Variants in NRCAM observed in about 807,000 individuals in gnomAD.
The protein encoded by NRCAM is NgCAM-related cell adhesion molecule.
A neutral mutation model predicts 156.5 loss-of-function variants in NRCAM; 83 were observed. That is an observed-to-expected ratio of 0.53 (90% CI 0.44 to 0.64). The LOEUF is 0.64. Ranked by LOEUF, NRCAM falls within the 30% of genes least tolerant of loss-of-function variation. The pLI is 0.00. For synonymous variants in NRCAM, 538 were observed against 563.9 expected, an observed-to-expected ratio of 0.95 and a Z score of 0.65; for missense variants, 1,417 against 1,597.3, an observed-to-expected ratio of 0.89 and a Z score of 1.92.
intron 14 of NRCAM, 75 bp downstream of exon 14, chr7:108,197,881 T>G: frequency 1.7e-6 from 2 of 1,155,320 alleles, no homozygotes; most frequent in Non-Finnish European, 2.4e-6. Flanking sequence ...GCTCAATATA[T>G]TTTTGCTGAT....
intron 2 of NRCAM, among the ~76,000 whole-genome samples, chr7:108,397,458 G>C (rs1252434581): frequency 6.6e-6 from 1 of 152,192 alleles, no homozygotes; most frequent in Non-Finnish European, 1.5e-5. Flanking sequence ...CTGTGAGAAT[G>C]AATTTCAGCA....
intron 3 of NRCAM, among the ~76,000 whole-genome samples, chr7:108,280,636 T>C (rs2097819875): frequency 6.6e-6 from 1 of 152,258 alleles, no homozygotes; most frequent in Middle Eastern, 3.2e-3. Flanking sequence ...TCTTTGGTGC[T>C]ACTGAAAATA....
chr7:108,355,942 GA>G (rs911470905), intron 2 of NRCAM, among the ~76,000 whole-genome samples: 5 of 122,290 alleles, frequency 4.1e-5, no homozygotes, highest in African/African-American at 1.3e-4. Flanking sequence ...AGTACAGTAA[GA>G]TTTTTTTTTT....
intron 3 of NRCAM, among the ~76,000 whole-genome samples, chr7:108,307,984 G>T (rs747195269): frequency 2.4e-4 from 36 of 152,200 alleles, no homozygotes; most frequent in Non-Finnish European, 4.6e-4. Flanking sequence ...CAGTATTCCT[G>T]CTGTGTCTCA....
chr7:108,190,000 A>C (rs1448801869), intron 19 of NRCAM, among the ~76,000 whole-genome samples: 1 of 152,252 alleles, frequency 6.6e-6, no homozygotes, highest in African/African-American at 2.4e-5. Flanking sequence ...AACCCAGTGA[A>C]GCAGACACAT....
At chr7:108,210,146 T>C (rs1019156731) in intron 11 of NRCAM, among the ~76,000 whole-genome samples, 1 of 152,056 alleles carries the variant, frequency 6.6e-6, no homozygotes, top group Non-Finnish European at 1.5e-5. Flanking sequence ...AAGAGCTTTT[T>C]TTCCTTAGTT....
At chr7:108,329,084 A>AT (rs974380942) in intron 2 of NRCAM, among the ~76,000 whole-genome samples, 7 of 151,918 alleles carry the variant, frequency 4.6e-5, no homozygotes, top group Non-Finnish European at 8.8e-5. Flanking sequence ...TATTATAACT[A>AT]TTTTTCTTAC....
intron 19 of NRCAM, among the ~76,000 whole-genome samples, chr7:108,190,603 A>G (rs527345723): frequency 5.9e-5 from 9 of 152,310 alleles, no homozygotes; most frequent in African/African-American, 2.2e-4. Flanking sequence ...TGATTTTTGT[A>G]TTGACGTACT....
At chr7:108,309,915 G>A (rs2098777735) in intron 3 of NRCAM, among the ~76,000 whole-genome samples, 1 of 152,052 alleles carries the variant, frequency 6.6e-6, no homozygotes, top group Non-Finnish European at 1.5e-5. Context: ...TTAGGATTTT[G>A]TAATAAAATA....
In NRCAM at chr7:108,226,291, C is replaced by T. The variant is rs764475322; in HGVS notation, c.638G>A (p.Arg213His). ...YFSNVLPEDT[R>H]EDYICYARFN... ...TCTAGCATAACAGATATAGTCTTCG[C>T]GGGTGTCCTCTGGGAGGACATTGGA... Residue 213 changes from arginine (R) to histidine (H), a missense_variant, in exon 9 of 33, where the codon CGC (arginine) becomes CAC (histidine). Arg to His is a conservative substitution (Grantham distance 29). Around this residue, in one of 2 missense-constraint regions of NRCAM, gnomAD observed 1,238 missense variants for 1,336.4 expected, o/e 0.93. Coordinates refer to ENST00000379028, the MANE Select transcript of NRCAM (RefSeq NM_001037132.4). The T allele has an allele frequency of 7.5e-6, 12 of 1,607,756 alleles. No individual in the cohort carries two copies. The highest frequency in any genetic ancestry group is 4.5e-5 in the East Asian group (2 of 44,832).
chr7:108,448,581 CT>C (rs1473473498), intron 1 of NRCAM, among the ~76,000 whole-genome samples: 4 of 152,126 alleles, frequency 2.6e-5, no homozygotes, highest in African/African-American at 9.7e-5. Flanking sequence ...CCCAAAATTG[CT>C]TTTTATTTCA....
At chr7:108,211,130 GA>G (rs2084061526) in intron 11 of NRCAM, among the ~76,000 whole-genome samples, 1 of 152,200 alleles carries the variant, frequency 6.6e-6, no homozygotes, top group Non-Finnish European at 1.5e-5. Flanking sequence ...CTGCAGAAGT[GA>G]AAAACTGGTT....
chr7:108,398,080 G>A (rs765915486), intron 2 of NRCAM, among the ~76,000 whole-genome samples: 23 of 152,200 alleles, frequency 1.5e-4, no homozygotes, highest in Admixed American at 6.5e-5. Context: ...ACTCCCAAGT[G>A]AATGTTTCTA....
chr7:108,401,399 G>C (rs2099792255), intron 1 of NRCAM, among the ~76,000 whole-genome samples: 1 of 151,888 alleles, frequency 6.6e-6, no homozygotes, highest in Admixed American at 6.6e-5. Context: ...AAATTATCTG[G>C]GTGTGGTGGT....
In NRCAM at chr7:108,453,746, T is replaced by C. The variant is rs116485967; in HGVS notation, c.-332+2497A>G. Among the ~76,000 whole-genome samples the C allele has an allele frequency of 6.0e-3, 908 of 152,322 alleles. 12 individuals carry two copies. Among genetic ancestry groups the C allele is most frequent in the African/African-American group, 0.02 (847 of 41,570 alleles). ...ATGCAAAATAAATCAATTTTTCCAA[T>C]TGATCAGTTAATTATAATTCTAAAA... On this transcript the variant is annotated intron_variant, in intron 1 of 32. Transcript: ENST00000379028.
intron 1 of NRCAM, among the ~76,000 whole-genome samples, chr7:108,419,026 C>A (rs1375049908): frequency 6.6e-6 from 1 of 151,814 alleles, no homozygotes. Flanking sequence ...GTATACTTAA[C>A]TAGTTTCACA....
At chr7:108,179,047 A>C (rs954399262) in intron 25 of NRCAM, among the ~76,000 whole-genome samples, 2 of 152,188 alleles carry the variant, frequency 1.3e-5, no homozygotes, top group Admixed American at 1.3e-4. Context: ...CATGCCTGGC[A>C]CATAGTTCTA....
chr7:108,211,279 A>G (rs565658316), intron 11 of NRCAM, among the ~76,000 whole-genome samples: 1 of 152,304 alleles, frequency 6.6e-6, no homozygotes, highest in Admixed American at 6.5e-5. Flanking sequence ...CTGGCACCAC[A>G]GAGATCCTTC....
intron 5 of NRCAM, among the ~76,000 whole-genome samples, chr7:108,235,724 G>C (rs549571346): frequency 1.3e-5 from 2 of 152,214 alleles, no homozygotes; most frequent in Admixed American, 1.3e-4. Context: ...GGTCTCGACT[G>C]GGGTGGTAGT....
Sources: allele counts gnomAD v4.1 joint callset (sites outside exome capture counted in the v4.1 genomes callset), GRCh38; gene constraint gnomAD v4.1.1; regional missense constraint gnomAD v4.1.1; transcripts MANE v1.5; gene names NCBI Gene and HGNC (gene_info 2026-07-23, HGNC 2026-07-21).